The following VWC2L variants were observed in gnomAD, a reference collection of about 807,000 sequenced individuals.
The protein encoded by VWC2L is von Willebrand factor C domain-containing protein 2-like.
VWC2L carries 10 observed loss-of-function variants against 21.6 expected under a neutral mutation model. The ratio of observed to expected loss-of-function variants is 0.46; its 90% CI spans 0.29 to 0.78. The LOEUF is 0.78. Ranked by LOEUF, VWC2L falls within the 30% of genes least tolerant of loss-of-function variation. VWC2L has a pLI of 0.10. For missense variants in VWC2L, 209 were observed against 277.1 expected (o/e 0.75, Z 1.74); for synonymous variants, 96 against 94.3 (o/e 1.02, Z -0.10).
At chr2:214,482,615 AG>A (rs1415822586) in intron 3 of VWC2L, among the ~76,000 whole-genome samples, 1 of 149,992 alleles carries the variant, frequency 6.7e-6, no homozygotes, top group Non-Finnish European at 1.5e-5. Flanking sequence ...TTGAAGAGAG[AG>A]AAAAAAATTT....
intron 3 of VWC2L, among the ~76,000 whole-genome samples, chr2:214,475,681 A>G (rs894698865): frequency 6.8e-4 from 104 of 152,140 alleles, no homozygotes; most frequent in African/African-American, 2.3e-3. Flanking sequence ...AAGTCTCCCA[A>G]TTTTTGAACA....
At chr2:214,432,138 G>A (rs1231168687) in intron 2 of VWC2L, among the ~76,000 whole-genome samples, 4 of 152,078 alleles carry the variant, frequency 2.6e-5, no homozygotes, top group South Asian at 2.1e-4. Context: ...AGATGAAGCC[G>A]CCCAGAGATA....
intron 3 of VWC2L, among the ~76,000 whole-genome samples, chr2:214,572,173 C>T (rs769025830): frequency 1.3e-5 from 2 of 152,204 alleles, no homozygotes; most frequent in African/African-American, 2.4e-5. Flanking sequence ...CTGAAGAATT[C>T]ACATGATGTG....
intron 2 of VWC2L, among the ~76,000 whole-genome samples, chr2:214,420,568 T>C (rs544642402): frequency 1.3e-5 from 2 of 152,298 alleles, no homozygotes; most frequent in African/African-American, 4.8e-5. Context: ...AAAAAGCATA[T>C]ATATGAAGTA....
intron 3 of VWC2L, among the ~76,000 whole-genome samples, chr2:214,574,789 T>C (rs1399962086): frequency 6.6e-6 from 1 of 151,916 alleles, no homozygotes; most frequent in Non-Finnish European, 1.5e-5. Flanking sequence ...GGAACTATAG[T>C]AATAACAACT....
At chr2:214,479,364 TTATC>T (rs1227860211) in intron 3 of VWC2L, among the ~76,000 whole-genome samples, 1 of 152,160 alleles carries the variant, frequency 6.6e-6, no homozygotes, top group Admixed American at 6.5e-5. Context: ...TTCTCCCTAT[TTATC>T]TATTTGTGCC....
chr2:214,457,597 T>A lies in VWC2L; in HGVS notation c.520+20839T>A, dbSNP rs150900209. ...TTAGAAAAAAAGACTTTCAGCTTCT[T>A]CCCATTCATTATAATTTTAACTATA... On this transcript the variant is annotated intron_variant, in intron 3 of 3. Transcript: ENST00000312504. 6.4e-3 allele frequency among the ~76,000 whole-genome samples: 976 copies of A among 152,206 alleles called. 8 individuals carry two copies. The highest frequency in any genetic ancestry group is 0.011 in the Non-Finnish European group (771 of 67,948).
At chr2:214,547,366 C>G (rs1339898355) in intron 3 of VWC2L, among the ~76,000 whole-genome samples, 1 of 152,088 alleles carries the variant, frequency 6.6e-6, no homozygotes, top group Non-Finnish European at 1.5e-5. Flanking sequence ...ACATCTAGAT[C>G]TAGATTCCTA....
chr2:214,436,835 T>A, intron 3 of VWC2L, 77 bp downstream of exon 3: 1 of 1,540,358 alleles, frequency 6.5e-7, no homozygotes, highest in South Asian at 1.2e-5. Context: ...TACCATTCAA[T>A]GCAAGACCCC....
chr2:214,575,931 C>A lies in VWC2L; in HGVS notation c.*111C>A. ...AAACTCCTGCCAGCTACAACAGGGTCACCAGCAAAACTTTCTAGGGTTGAC... is the reference window on the plus strand; with the variant it reads ...AAACTCCTGCCAGCTACAACAGGGTAACCAGCAAAACTTTCTAGGGTTGAC... On this transcript the variant is annotated 3_prime_UTR_variant, in exon 4 of 4. Coordinates refer to ENST00000312504, the MANE Select transcript of VWC2L (RefSeq NM_001080500.4). 7.7e-7 allele frequency: 1 copy of A among 1,303,548 alleles called. No individual in the cohort carries two copies. The highest frequency in any genetic ancestry group is 1.0e-6 in the Non-Finnish European group (1 of 959,168). The allele number at this position is 1,303,548 out of a possible 1,614,324, so 80.7% of individuals were successfully genotyped here. A position where few individuals can be genotyped will look rare whatever the true frequency, so the allele number is the denominator to read the frequency against.
intron 3 of VWC2L, among the ~76,000 whole-genome samples, chr2:214,546,143 C>T (rs1689703456): frequency 6.6e-6 from 1 of 152,116 alleles, no homozygotes; most frequent in East Asian, 1.9e-4. Flanking sequence ...CCTAGCTTAG[C>T]TCTAGGAAAT....
chr2:214,482,770 T>C (rs1156846520), intron 3 of VWC2L, among the ~76,000 whole-genome samples: 1 of 151,788 alleles, frequency 6.6e-6, no homozygotes, highest in East Asian at 1.9e-4. Context: ...CTCAAAAAAA[T>C]AATAATAATA....
intron 3 of VWC2L, among the ~76,000 whole-genome samples, chr2:214,459,154 C>T (rs1195429919): frequency 1.3e-5 from 2 of 152,106 alleles, no homozygotes; most frequent in East Asian, 3.9e-4. Context: ...ATCTCTTTAT[C>T]ATTATAATAA....
chr2:214,449,613 C>A (rs1038045606), intron 3 of VWC2L, among the ~76,000 whole-genome samples: 2 of 152,204 alleles, frequency 1.3e-5, no homozygotes, highest in Non-Finnish European at 2.9e-5. Flanking sequence ...GTGGCAGTGG[C>A]AGGAAGCCCT....
intron 3 of VWC2L, among the ~76,000 whole-genome samples, chr2:214,512,672 A>G (rs1435803610): frequency 6.6e-6 from 1 of 152,116 alleles, no homozygotes; most frequent in Non-Finnish European, 1.5e-5. Flanking sequence ...CCAAATGTAA[A>G]AGAGTAGGTG....
chr2:214,501,943 G>A (rs905099635), intron 3 of VWC2L, among the ~76,000 whole-genome samples: 9 of 152,116 alleles, frequency 5.9e-5, no homozygotes, highest in African/African-American at 1.9e-4. Flanking sequence ...CCTCCCCACC[G>A]ACTCACCTGC....
At chr2:214,496,525 T>A (rs531586556) in intron 3 of VWC2L, among the ~76,000 whole-genome samples, 1 of 152,260 alleles carries the variant, frequency 6.6e-6, no homozygotes, top group East Asian at 1.9e-4. Context: ...ACCTCCTAAT[T>A]AATTTGCTAT....
intron 3 of VWC2L, among the ~76,000 whole-genome samples, chr2:214,559,174 G>A (rs866660148): frequency 1.0e-3 from 154 of 152,006 alleles, no homozygotes; most frequent in African/African-American, 3.5e-3. Context: ...CAAAGTGGGC[G>A]AAGGACATGA....
At chr2:214,539,529 A>T (rs547229109) in intron 3 of VWC2L, among the ~76,000 whole-genome samples, 127 of 152,296 alleles carry the variant, frequency 8.3e-4, no homozygotes, top group Middle Eastern at 3.4e-3. Context: ...ATTCTGAACC[A>T]CTAAACTGAG....
Sources: gnomAD v4.1 joint callset for allele counts (sites outside exome capture counted in the v4.1 genomes callset) on GRCh38, gnomAD v4.1.1 for gene constraint, MANE v1.5 for transcripts, NCBI Gene and HGNC (gene_info 2026-07-23, HGNC 2026-07-21) for gene names.